Variants in ZNF616 observed in about 807,000 individuals in gnomAD.
ZNF616 encodes the protein zinc finger protein 616.
Under a neutral mutation model 7.6 loss-of-function variants are expected in ZNF616, and 5 were observed. The ratio of observed to expected loss-of-function variants is 0.66; its 90% CI spans 0.34 to 1.38. ZNF616 has a LOEUF of 1.38. Ranked by LOEUF, ZNF616 falls within the 40% of genes most tolerant of loss-of-function variation. ZNF616 has a pLI of 0.04. For missense variants in ZNF616, 913 were observed against 948.3 expected (o/e 0.96, Z 0.49); for synonymous variants, 319 against 317.2 (o/e 1.01, Z -0.06).
rs1242050821 is a variant in ZNF616, at chr19:52,130,884, G to GC, written c.-76-297dup. Among the ~76,000 whole-genome samples, 6 of 152,314 alleles carry GC rather than the reference G, an allele frequency of 3.9e-5. No homozygotes were observed. The East Asian group carries it at 9.7e-4, about 25-fold the overall frequency. On this transcript the variant is annotated intron_variant, in intron 1 of 3. Coordinates refer to ENST00000600228, the MANE Select transcript of ZNF616 (RefSeq NM_178523.5). ...CTGATCAAACCCCATGCAGCGCACA[G>GC]CCCCCCGTCACCTCTGTGGGTCACA...
intron 3 of ZNF616, among the ~76,000 whole-genome samples, chr19:52,122,648 T>G (rs1046827683): frequency 6.6e-6 from 1 of 151,704 alleles, no homozygotes; most frequent in African/African-American, 2.4e-5. Context: ...TTTTTTTTTT[T>G]TTTTTGAGAT....
chr19:52,124,653 A>G (rs2088891199), intron 2 of ZNF616, among the ~76,000 whole-genome samples: 1 of 152,250 alleles, frequency 6.6e-6, no homozygotes, highest in Non-Finnish European at 1.5e-5. Flanking sequence ...TGAGAATTAG[A>G]GTTGAATCAA....
chr19:52,119,845 G>C (rs1173897360), intron 3 of ZNF616, among the ~76,000 whole-genome samples: 1 of 152,126 alleles, frequency 6.6e-6, no homozygotes, highest in Non-Finnish European at 1.5e-5. Context: ...TTATCAAATT[G>C]AATGTCCCAT....
Position 52,115,804 on chromosome 19 carries a change from C to T in ZNF616, c.1360G>A (p.Val454Met), listed in dbSNP as rs1168936543. The change falls in exon 4 of 4, where the codon GTG (valine) becomes ATG (methionine). Residue 454 changes from valine to methionine, a missense_variant. Transcript: ENST00000600228. ...TCGCCGGTATGAATTCTCCAATGCACTGCAAGATGTGAATGCTTACTGTAC... is the reference window on the plus strand; with the variant it reads ...TCGCCGGTATGAATTCTCCAATGCATTGCAAGATGTGAATGCTTACTGTAC... ...KVYSKHSHLA[V>M]HWRIHTGEKA... The T allele has an allele frequency of 6.2e-7, 1 of 1,608,908 alleles. No homozygotes were observed. Among genetic ancestry groups the T allele is most frequent in the Non-Finnish European group, 8.5e-7 (1 of 1,177,726 alleles).
At position 52,123,924 on chromosome 19, in the gene ZNF616, T is replaced by C; in HGVS notation, c.138A>G (p.Leu46=). 1.2e-6 allele frequency: 2 copies of C among 1,613,902 alleles called. No homozygotes were observed. The highest frequency in any genetic ancestry group is 1.1e-5 in the South Asian group (1 of 91,072). ...MLENYRNLVF[L]GISPKCVIKE... Reference sequence around the variant, plus strand: ...CTTCTAGAAGGAAATTATACTCACCTAGGAAGACCAGGTTCCTATAGTTCT... The same window carrying C: ...CTTCTAGAAGGAAATTATACTCACCCAGGAAGACCAGGTTCCTATAGTTCT... Residue 46 remains leucine (L), a splice_region_variant and synonymous_variant, in exon 3 of 4, where the codon CTA becomes CTG. Coordinates refer to ENST00000600228, the MANE Select transcript of ZNF616 (RefSeq NM_178523.5).
At chr19:52,134,652 A>AT (rs1258124634) in intron 1 of ZNF616, among the ~76,000 whole-genome samples, 1 of 152,140 alleles carries the variant, frequency 6.6e-6, no homozygotes, top group Non-Finnish European at 1.5e-5. Context: ...CTGCTGGAGA[A>AT]TTTTTTAGTG....
Position 52,115,853 on chromosome 19 carries a change from G to GTAAGTT in ZNF616, c.1305_1310dup (p.Thr436_Tyr437insTer). ...ACACCTTGCCACATTTATTGCATTT[G>GTAAGTT]TAAGTTTTCTGTCCAGTATGAATTC... On this transcript the variant is annotated stop_gained, in exon 4 of 4. Transcript: ENST00000600228. LOFTEE classifies it low-confidence loss of function (END_TRUNC). 1.2e-6 allele frequency: 2 copies of GTAAGTT among 1,614,022 alleles called. No individual in the cohort carries two copies. Among genetic ancestry groups the GTAAGTT allele is most frequent in the Middle Eastern group, 1.6e-4 (1 of 6,062 alleles).
chr19:52,137,053 G>GTGTGTATATATATATATATATATA (rs958896902), intron 1 of ZNF616, among the ~76,000 whole-genome samples: 74 of 143,700 alleles, frequency 5.1e-4, no homozygotes, highest in African/African-American at 1.8e-3. Flanking sequence ...TTATGTATGT[G>GTGTGTATATATATATATATATATA]TATATATATA....
At chr19:52,132,498 G>A (rs1184214527) in intron 1 of ZNF616, among the ~76,000 whole-genome samples, 2 of 152,128 alleles carry the variant, frequency 1.3e-5, no homozygotes, top group African/African-American at 4.8e-5. Context: ...CTGGTGGGAG[G>A]TGGATGGATC....
At chr19:52,125,710 G>A (rs2088900265) in intron 2 of ZNF616, among the ~76,000 whole-genome samples, 1 of 152,112 alleles carries the variant, frequency 6.6e-6, no homozygotes, top group African/African-American at 2.4e-5. Flanking sequence ...GCCCTAATAA[G>A]CACTCTCTAA....
In ZNF616 at chr19:52,115,018, T is replaced by G; in HGVS notation, c.2146A>C (p.Arg716=). Residue 716 remains arginine (R), a synonymous_variant, in exon 4 of 4, where the codon AGA becomes CGA. Coordinates refer to ENST00000600228, the MANE Select transcript of ZNF616 (RefSeq NM_178523.5). ...TTGCCACATTCAATACATTTGTATC[T>G]TTTCTCTCCAGTGTGGATTCTCTGG... ...SHQRIHTGEK[R]YKCIECGKAF... 1 of 1,614,036 alleles carries G rather than the reference T, an allele frequency of 6.2e-7. No homozygotes were observed. The highest frequency in any genetic ancestry group is 8.5e-7 in the Non-Finnish European group (1 of 1,179,988).
At chr19:52,134,922 TG>T (rs2088994759) in intron 1 of ZNF616, among the ~76,000 whole-genome samples, 1 of 151,896 alleles carries the variant, frequency 6.6e-6, no homozygotes, top group Non-Finnish European at 1.5e-5. Context: ...CAGACAGAGG[TG>T]GGGGGAAAGT....
At chr19:52,131,264 CAAAAAA>C (rs61359785) in intron 1 of ZNF616, among the ~76,000 whole-genome samples, 14 of 39,768 alleles carry the variant, frequency 3.5e-4, no homozygotes, top group Non-Finnish European at 5.5e-4. Flanking sequence ...ACTCTGTCAC[CAAAAAA>C]AAAAAAAAAA....
Position 52,114,651 on chromosome 19 carries a change from C to G in ZNF616, c.*167G>C. 1.3e-6 allele frequency: 1 copy of G among 782,920 alleles called. No homozygotes were observed. Among genetic ancestry groups the G allele is most frequent in the South Asian group, 2.0e-5 (1 of 50,154 alleles). 48.5% of individuals were successfully genotyped at this position (782,920 alleles called of 1,614,324 possible). A position where few individuals can be genotyped will look rare whatever the true frequency, so the allele number is the denominator to read the frequency against. On this transcript the variant is annotated 3_prime_UTR_variant, in exon 4 of 4. Coordinates refer to ENST00000600228, the MANE Select transcript of ZNF616 (RefSeq NM_178523.5). ...CAGCACCAAGGGGATGACGCTACAT[C>G]TTTCTCAGTTTGAGAAATCCACTTC...
chr19:52,133,448 C>T (rs2088977732), intron 1 of ZNF616, among the ~76,000 whole-genome samples: 1 of 152,066 alleles, frequency 6.6e-6, no homozygotes, highest in Non-Finnish European at 1.5e-5. Context: ...GGTACACGTG[C>T]AGGAGGTGCA....
Position 52,115,167 on chromosome 19 carries a change from C to T in ZNF616, c.1997G>A (p.Cys666Tyr), listed in dbSNP as rs199525557. 3.1e-6 allele frequency: 5 copies of T among 1,614,168 alleles called. No homozygotes were observed. Among genetic ancestry groups the T allele is most frequent in the Non-Finnish European group, 4.2e-6 (5 of 1,180,030 alleles). The change falls in exon 4 of 4, where the codon TGT becomes TAT. Residue 666 changes from cysteine (C) to tyrosine (Y), a missense_variant. Physicochemically the swap from Cys to Tyr is radical, Grantham distance 194. Transcript: ENST00000600228. ...TGDRPYKCNE[C>Y]GKTFKRSSNL... ...TGAGCTCCGTTTAAAGGTTTTGCCA[C>T]ACTCATTACATTTGTAAGGTCTGTC...
rs2088825884 is a variant in ZNF616 at position 52,116,522 on chromosome 19, T to C, written c.642A>G (p.Lys214=). 2 of 1,614,042 alleles carry C rather than the reference T, an allele frequency of 1.2e-6. No individual in the cohort carries two copies. The highest frequency in any genetic ancestry group is 1.3e-5 in the African/African-American group (1 of 74,954). ...GAAAGGCTTTGCCACACTCATTGCATTTGTAAGGTTTCTCTGTAGTATGTA... is the reference window on the plus strand; with the variant it reads ...GAAAGGCTTTGCCACACTCATTGCACTTGTAAGGTTTCTCTGTAGTATGTA... ...QRIHTTEKPY[K]CNECGKAFHR... The change falls in exon 4 of 4, where the codon AAA becomes AAG. Residue 214 remains lysine (K), a synonymous_variant. Transcript: ENST00000600228.
chr19:52,121,762 A>G (rs1874133866), intron 3 of ZNF616, among the ~76,000 whole-genome samples: 1 of 152,236 alleles, frequency 6.6e-6, no homozygotes, highest in Non-Finnish European at 1.5e-5. Context: ...CATATATAGA[A>G]GAATGAAACT....
Position 52,114,617 on chromosome 19 carries a change from T to C in ZNF616, c.*201A>G. On this transcript the variant is annotated 3_prime_UTR_variant, in exon 4 of 4. Transcript: ENST00000600228. ...AGCCAGACCTCAAGAGAAGTCACTATTGCCAGGACAGCACCAAGGGGATGA... is the reference window on the plus strand; with the variant it reads ...AGCCAGACCTCAAGAGAAGTCACTACTGCCAGGACAGCACCAAGGGGATGA... The C allele has an allele frequency of 3.5e-6, 2 of 571,966 alleles. No homozygotes were observed. Among genetic ancestry groups the C allele is most frequent in the South Asian group, 2.8e-5 (1 of 35,444 alleles). The allele number at this position is 571,966 out of a possible 1,614,324, so 35.4% of individuals were successfully genotyped here.
Sources: gnomAD v4.1 joint callset for allele counts (sites outside exome capture counted in the v4.1 genomes callset) on GRCh38, gnomAD v4.1.1 for gene constraint, MANE v1.5 for transcripts, NCBI Gene and HGNC (gene_info 2026-07-23, HGNC 2026-07-21) for gene names.